ACER2: variants seen among roughly 807,000 people sequenced by gnomAD.
The protein encoded by ACER2 is alkaline ceramidase 2, also known as alkCDase 2.
ACER2 carries 26 observed loss-of-function variants against 34.7 expected under a neutral mutation model. That is an observed-to-expected ratio of 0.75 (90% CI 0.55 to 1.04). The LOEUF (loss-of-function observed/expected upper bound fraction) is 1.04. ACER2 is among the 50% of genes least tolerant of loss of function. The pLI is 0.00. For synonymous variants in ACER2, 138 were observed against 132.1 expected (o/e 1.04, Z -0.31); for missense variants, 352 against 340.8 (o/e 1.03, Z -0.26).
chr9:19,428,350 T>A (rs1163012857), intron 3 of ACER2, among the ~76,000 whole-genome samples: 1 of 151,996 alleles, frequency 6.6e-6, no homozygotes, highest in Admixed American at 6.6e-5. Flanking sequence ...GTATTTTTAG[T>A]AGAGACGGGG....
chr9:19,444,575 G>T (rs2132528245), intron 4 of ACER2, among the ~76,000 whole-genome samples: 1 of 152,306 alleles, frequency 6.6e-6, no homozygotes, highest in South Asian at 2.1e-4. Flanking sequence ...AAACCATCCT[G>T]GTCGGCATGC....
chr9:19,438,071 C>T (rs531016575), intron 4 of ACER2, among the ~76,000 whole-genome samples: 46 of 152,268 alleles, frequency 3.0e-4, no homozygotes, highest in African/African-American at 9.1e-4. Context: ...TTGAGACTCC[C>T]TCAGTTTAGT....
At chr9:19,421,875 A>G (rs1290316879) in intron 1 of ACER2, among the ~76,000 whole-genome samples, 1 of 152,198 alleles carries the variant, frequency 6.6e-6, no homozygotes, top group Non-Finnish European at 1.5e-5. Context: ...CCAATATGAC[A>G]GTCACTGGCC....
At chr9:19,421,610 G>T (rs1207809140) in intron 1 of ACER2, among the ~76,000 whole-genome samples, 2 of 152,050 alleles carry the variant, frequency 1.3e-5, no homozygotes, top group African/African-American at 4.8e-5. Context: ...GAAATGAGGA[G>T]TGACTGCTTA....
intron 4 of ACER2, among the ~76,000 whole-genome samples, chr9:19,445,567 C>T (rs1831326892): frequency 6.6e-6 from 1 of 152,184 alleles, no homozygotes; most frequent in South Asian, 2.1e-4. Flanking sequence ...GACATTTGAG[C>T]AAAGATTTAC....
At chr9:19,425,332 C>T (rs918230392) in intron 3 of ACER2, among the ~76,000 whole-genome samples, 10 of 152,128 alleles carry the variant, frequency 6.6e-5, no homozygotes, top group African/African-American at 1.9e-4. Flanking sequence ...CGTGCGTGCG[C>T]GTGCACACAC....
intron 1 of ACER2, among the ~76,000 whole-genome samples, chr9:19,418,319 C>G (rs1420288257): frequency 6.6e-6 from 1 of 152,106 alleles, no homozygotes; most frequent in Non-Finnish European, 1.5e-5. Context: ...ACTAGAAATA[C>G]CATTTGACCC....
rs147550322 is a variant in ACER2, at chr9:19,424,513, ATCT to A, written c.224-182_224-180del. On this transcript the variant is annotated intron_variant, in intron 2 of 5. Transcript: ENST00000340967. The stretch of plus-strand genomic sequence containing the variant: ...TGCTGATATTTGGGCCCTAGTTGAA[ATCT>A]TCTTTCTAGACTGGAGGCATGCATG... The A allele has an allele frequency of 1.3e-3, 1,233 of 985,292 alleles. 12 individuals carry two copies. In the African/African-American group the frequency reaches 0.02, roughly 16 times the overall value. The allele number at this position is 985,292 out of a possible 1,614,324, so 61.0% of individuals were successfully genotyped here.
At chr9:19,444,302 C>T (rs1446782989) in intron 4 of ACER2, among the ~76,000 whole-genome samples, 1 of 150,986 alleles carries the variant, frequency 6.6e-6, no homozygotes, top group Non-Finnish European at 1.5e-5. Context: ...AGCTCCGCCT[C>T]CCGGGTTCAC....
chr9:19,448,618 C>T (rs1302387471), intron 5 of ACER2, among the ~76,000 whole-genome samples: 1 of 152,126 alleles, frequency 6.6e-6, no homozygotes, highest in Non-Finnish European at 1.5e-5. Flanking sequence ...GTACCATTAA[C>T]ACTGTTTACT....
chr9:19,444,557 C>G (rs1234633109), intron 4 of ACER2, among the ~76,000 whole-genome samples: 4 of 152,152 alleles, frequency 2.6e-5, no homozygotes, highest in Non-Finnish European at 4.4e-5. Context: ...TGTGTTGGGC[C>G]TCATTCGAAA....
intron 4 of ACER2, among the ~76,000 whole-genome samples, chr9:19,435,917 C>T (rs996854854): frequency 1.3e-4 from 19 of 150,214 alleles, no homozygotes; most frequent in Admixed American, 5.3e-4. Context: ...GGCATGGTGG[C>T]GGGCGCCTGT....
chr9:19,441,738 G>A (rs1831163477), intron 4 of ACER2, among the ~76,000 whole-genome samples: 2 of 152,056 alleles, frequency 1.3e-5, no homozygotes, highest in Non-Finnish European at 2.9e-5. Flanking sequence ...GGCAGGGACG[G>A]GGTCTCTTTT....
At chr9:19,439,598 A>G (rs1589060968) in intron 4 of ACER2, among the ~76,000 whole-genome samples, 3 of 152,022 alleles carry the variant, frequency 2.0e-5, no homozygotes, top group African/African-American at 7.2e-5. Flanking sequence ...CTTCTCAAAC[A>G]CCCAGCCTGG....
intron 3 of ACER2, among the ~76,000 whole-genome samples, chr9:19,426,306 CTCTTTCTT>C (rs143964195): frequency 7.3e-6 from 1 of 136,622 alleles, no homozygotes; most frequent in African/African-American, 2.8e-5. Context: ...GTCTTTCTTT[CTCTTTCTT>C]TCTTTCTTTT....
intron 4 of ACER2, among the ~76,000 whole-genome samples, chr9:19,443,094 G>C (rs750045313): frequency 6.6e-6 from 1 of 150,558 alleles, no homozygotes; most frequent in Non-Finnish European, 1.5e-5. Context: ...GCAGTGGCGC[G>C]ATCTCGGCTC....
intron 5 of ACER2, among the ~76,000 whole-genome samples, chr9:19,447,496 A>G (rs80116245): frequency 0.028 from 4,252 of 152,254 alleles, 204 homozygotes; most frequent in African/African-American, 0.097. Context: ...CCATTGCTCG[A>G]TATTTTTTAG....
intron 4 of ACER2, among the ~76,000 whole-genome samples, chr9:19,443,117 G>A (rs1360417816): frequency 6.6e-6 from 1 of 152,158 alleles, no homozygotes; most frequent in African/African-American, 2.4e-5. Context: ...TGCAAGCTCC[G>A]CCTCCCGGGT....
At chr9:19,439,450 C>A (rs902179591) in intron 4 of ACER2, among the ~76,000 whole-genome samples, 5 of 151,530 alleles carry the variant, frequency 3.3e-5, no homozygotes, top group Admixed American at 2.0e-4. Context: ...AGCAATTCTC[C>A]TGCTTCAGCC....
Sources: gnomAD v4.1 joint callset for allele counts (sites outside exome capture counted in the v4.1 genomes callset) on GRCh38, gnomAD v4.1.1 for gene constraint, MANE v1.5 for transcripts, NCBI Gene and HGNC (gene_info 2026-07-23, HGNC 2026-07-21) for gene names.